The following FAT4 variants were observed in gnomAD, a reference collection of about 807,000 sequenced individuals.
The protein encoded by FAT4 is FAT atypical cadherin 4.
In FAT4, 84 loss-of-function variants were observed where a neutral mutation model predicts 303.9. The observed-to-expected ratio is 0.28, with a 90% CI of 0.23 to 0.33. The LOEUF is 0.33. Ranked by LOEUF, FAT4 falls within the 10% of genes least tolerant of loss-of-function variation. FAT4 has a pLI of 1.00. For synonymous variants in FAT4, 2,307 were observed against 2,298.8 expected, an observed-to-expected ratio of 1.00 and a Z score of -0.10; for missense variants, 6,005 against 6,146.8, an observed-to-expected ratio of 0.98 and a Z score of 0.77.
chr4:125,436,060 A>G (rs1485975275), intron 8 of FAT4, among the ~76,000 whole-genome samples: 133 of 127,542 alleles, frequency 1.0e-3, no homozygotes, highest in African/African-American at 3.5e-3. Flanking sequence ...GGAGGGGGGG[A>G]GGGATAGCAT....
At chr4:125,443,411 C>T (rs1360918183) in intron 8 of FAT4, among the ~76,000 whole-genome samples, 7 of 152,114 alleles carry the variant, frequency 4.6e-5, no homozygotes, top group Admixed American at 4.6e-4. Flanking sequence ...ACTACATTCC[C>T]TCAGTTGAGT....
In FAT4 at chr4:125,415,601, T is replaced by C. The variant is rs1201686889; in HGVS notation, c.6638T>C (p.Val2213Ala). The C allele has an allele frequency of 4.3e-6, 7 of 1,613,980 alleles. No homozygotes were observed. The highest frequency in any genetic ancestry group is 5.1e-6 in the Non-Finnish European group (6 of 1,179,994). ...GACTCTGTCACAGGTGCCATCACTG[T>C]CGCTAAACCTTTGGATAGAGAAAAG... is the stretch of plus-strand genomic sequence containing the variant. ...RIDSVTGAIT[V>A]AKPLDREKTP... Residue 2213 changes from valine (V) to alanine (A), a missense_variant, in exon 6 of 18, where the codon GTC becomes GCC. By Grantham distance (64) the Val-to-Ala change is moderately conservative. Transcript: ENST00000394329.
At chr4:125,489,867 T>TTTTTTG in intron 17 of FAT4, 34 bp from the exon 18 acceptor site, 1 of 1,074,068 alleles carries the variant, frequency 9.3e-7, no homozygotes, top group Non-Finnish European at 1.2e-6. Context: ...TTTTTTTTTT[T>TTTTTTG]TGTAAAAAGC....
In FAT4 at chr4:125,491,002, A is replaced by T. The variant is rs372142864; in HGVS notation, c.14186A>T (p.Asp4729Val). Residue 4729 changes from aspartate (D) to valine (V), a missense_variant, in exon 18 of 18, where the codon GAT becomes GTT. Transcript: ENST00000394329. ...PARELHLPIR[D>V]GNTLEMHGDT... ...AGGGAATTGCATCTTCCTATAAGGGATGGTAATACTTTGGAAATGCATGGT... is the reference window on the plus strand; with the variant it reads ...AGGGAATTGCATCTTCCTATAAGGGTTGGTAATACTTTGGAAATGCATGGT... The T allele has an allele frequency of 2.5e-6, 4 of 1,614,076 alleles. No homozygotes were observed. In the African/African-American group the frequency reaches 5.3e-5, roughly 22 times the overall value.
chr4:125,460,240 A>C (rs1397236532), intron 10 of FAT4, among the ~76,000 whole-genome samples: 2 of 152,062 alleles, frequency 1.3e-5, no homozygotes, highest in Non-Finnish European at 2.9e-5. Flanking sequence ...CAAACTCAAC[A>C]ACAAATTCCT....
intron 2 of FAT4, among the ~76,000 whole-genome samples, chr4:125,361,009 A>C (rs973669606): frequency 5.9e-4 from 84 of 142,244 alleles, no homozygotes; most frequent in Non-Finnish European, 1.1e-3. Flanking sequence ...ATAAATATTT[A>C]TTAAATATTT....
At chr4:125,351,896 A>G (rs1244093239) in intron 2 of FAT4, among the ~76,000 whole-genome samples, 3 of 151,602 alleles carry the variant, frequency 2.0e-5, no homozygotes. Flanking sequence ...CCAACTCAGA[A>G]CAAACTTGGT....
intron 8 of FAT4, among the ~76,000 whole-genome samples, chr4:125,440,605 G>A (rs1489853133): frequency 1.2e-5 from 1 of 85,028 alleles, no homozygotes; most frequent in East Asian, 3.1e-4. Flanking sequence ...GTGTGTGTGT[G>A]TGTGTGAGAG....
rs764540728 is a variant in FAT4, at chr4:125,449,746, C to G, written c.8736C>G (p.Phe2912Leu). Residue 2912 changes from phenylalanine to leucine, a missense_variant, in exon 10 of 18, where the codon TTC becomes TTG. By Grantham distance (22) the Phe-to-Leu change is conservative. Transcript: ENST00000394329. ...GATCAAATGGACAAGTGTTTTATTT[C>G]ATAAAATCCCAATCAGAATATTTCA... ...DEGSNGQVFY[F>L]IKSQSEYFRI... 5.0e-6 allele frequency: 8 copies of G among 1,613,510 alleles called. No individual in the cohort carries two copies. Among genetic ancestry groups the G allele is most frequent in the Non-Finnish European group, 6.8e-6 (8 of 1,179,776 alleles).
intron 2 of FAT4, among the ~76,000 whole-genome samples, chr4:125,389,453 T>C (rs1733894164): frequency 6.6e-6 from 1 of 152,208 alleles, no homozygotes; most frequent in African/African-American, 2.4e-5. Context: ...TATTCATTTT[T>C]TTCTTCTAGT....
chr4:125,351,926 G>A (rs1732240820), intron 2 of FAT4, among the ~76,000 whole-genome samples: 1 of 151,614 alleles, frequency 6.6e-6, no homozygotes, highest in Admixed American at 6.6e-5. Flanking sequence ...TACCAAGTAG[G>A]CACAGGATTT....
intron 2 of FAT4, among the ~76,000 whole-genome samples, chr4:125,382,764 G>T (rs1405026502): frequency 6.6e-6 from 1 of 152,190 alleles, no homozygotes. Flanking sequence ...GTAGAAGGCT[G>T]TTCATCTACA....
chr4:125,355,371 A>G (rs1268910490), intron 2 of FAT4, among the ~76,000 whole-genome samples: 1 of 152,052 alleles, frequency 6.6e-6, no homozygotes, highest in Non-Finnish European at 1.5e-5. Context: ...CTTTTGATCC[A>G]TCTCATTACA....
At chr4:125,407,974 T>C (rs954035489) in intron 4 of FAT4, among the ~76,000 whole-genome samples, 1 of 152,168 alleles carries the variant, frequency 6.6e-6, no homozygotes, top group Non-Finnish European at 1.5e-5. Flanking sequence ...TCAAGATATC[T>C]TGTGCAAGTC....
At chr4:125,469,529 A>G (rs1423396377) in intron 12 of FAT4, among the ~76,000 whole-genome samples, 1 of 152,204 alleles carries the variant, frequency 6.6e-6, no homozygotes, top group African/African-American at 2.4e-5. Flanking sequence ...AATTAAGCCT[A>G]TGGAATATTC....
Position 125,449,130 on chromosome 4 carries a change from A to T in FAT4, c.8120A>T (p.Tyr2707Phe), listed in dbSNP as rs1355746216. ...AGTGGACCCAATGGACAGTTAGATTATGAAATTGTTAATGGCAACATGGAA... is the reference window on the plus strand; with the variant it reads ...AGTGGACCCAATGGACAGTTAGATTTTGAAATTGTTAATGGCAACATGGAA... ...KDSGPNGQLD[Y>F]EIVNGNMENS... The change falls in exon 10 of 18, where the codon TAT (tyrosine) becomes TTT (phenylalanine). Residue 2707 changes from tyrosine (Y) to phenylalanine (F), a missense_variant. Transcript: ENST00000394329. 7 of 1,614,028 alleles carry T rather than the reference A, an allele frequency of 4.3e-6. No homozygotes were observed. The highest frequency in any genetic ancestry group is 5.9e-6 in the Non-Finnish European group (7 of 1,179,902).
chr4:125,489,793 A>G (rs576762881), intron 17 of FAT4, 108 bp from the exon 18 acceptor site: 1 of 838,532 alleles, frequency 1.2e-6, no homozygotes, highest in Non-Finnish European at 1.8e-6. Context: ...ATGTATTCAT[A>G]TGAGGTGATT....
chr4:125,394,181 T>G (rs1162989030), intron 2 of FAT4, among the ~76,000 whole-genome samples: 1 of 152,196 alleles, frequency 6.6e-6, no homozygotes, highest in Non-Finnish European at 1.5e-5. Context: ...AAGGGCAGTT[T>G]TTACAGATTT....
intron 7 of FAT4, among the ~76,000 whole-genome samples, chr4:125,433,133 C>T (rs768509003): frequency 1.2e-4 from 18 of 152,200 alleles, no homozygotes; most frequent in Admixed American, 7.2e-4. Flanking sequence ...AATCACTTGA[C>T]TATTAGAAAA....
Sources: gnomAD v4.1 joint callset for allele counts (sites outside exome capture counted in the v4.1 genomes callset) on GRCh38, gnomAD v4.1.1 for gene constraint, MANE v1.5 for transcripts, NCBI Gene and HGNC (gene_info 2026-07-23, HGNC 2026-07-21) for gene names.